ERC2: variants seen among roughly 807,000 people sequenced by gnomAD.
ERC2 encodes the protein ELKS/RAB6-interacting/CAST family member 2, also known as ERC protein 2.
ERC2 carries 42 observed loss-of-function variants against 114.8 expected under a neutral mutation model. The observed-to-expected ratio is 0.37, with a 90% CI of 0.29 to 0.47. The LOEUF is 0.47. Ranked by LOEUF, ERC2 falls within the 20% of genes least tolerant of loss-of-function variation. The pLI, the probability that ERC2 is intolerant of heterozygous loss-of-function variation, is 0.99. For synonymous variants in ERC2, 454 were observed against 425.5 expected, an observed-to-expected ratio of 1.07 and a Z score of -0.82; for missense variants, 939 against 1,150.7, an observed-to-expected ratio of 0.82 and a Z score of 2.66.
chr3:55,648,982 G>C (rs943574682), intron 17 of ERC2, among the ~76,000 whole-genome samples: 5 of 152,076 alleles, frequency 3.3e-5, no homozygotes, highest in Non-Finnish European at 7.4e-5. Flanking sequence ...AACAAGGCCG[G>C]GCAGGGACAT....
intron 14 of ERC2, among the ~76,000 whole-genome samples, chr3:55,744,082 G>A (rs1448874529): frequency 6.6e-6 from 1 of 152,180 alleles, no homozygotes; most frequent in Non-Finnish European, 1.5e-5. Context: ...CAGACTGATT[G>A]CCAGCCCAGT....
intron 14 of ERC2, among the ~76,000 whole-genome samples, chr3:55,796,903 A>G (rs1271891909): frequency 3.3e-5 from 5 of 152,238 alleles, no homozygotes; most frequent in Admixed American, 3.3e-4. Context: ...AAATAAAACA[A>G]CAACCAAAAG....
At chr3:56,007,592 T>C (rs1297207508) in intron 9 of ERC2, among the ~76,000 whole-genome samples, 3 of 152,122 alleles carry the variant, frequency 2.0e-5, no homozygotes, top group Non-Finnish European at 4.4e-5. Context: ...GTCATGCTAA[T>C]GATGTAAGTC....
At chr3:55,661,901 CA>C (rs1395355715) in intron 17 of ERC2, among the ~76,000 whole-genome samples, 3 of 151,936 alleles carry the variant, frequency 2.0e-5, no homozygotes, top group African/African-American at 7.3e-5. Flanking sequence ...CTTTTCAATC[CA>C]TTTATCAGGG....
intron 2 of ERC2, among the ~76,000 whole-genome samples, chr3:56,418,244 G>A (rs556410922): frequency 2.5e-4 from 37 of 149,288 alleles, no homozygotes; most frequent in Admixed American, 1.5e-3. Flanking sequence ...GATGCAGTAA[G>A]CTATGATTGC....
intron 4 of ERC2, among the ~76,000 whole-genome samples, chr3:56,151,414 T>C (rs2081405521): frequency 3.3e-5 from 5 of 152,106 alleles, no homozygotes; most frequent in Admixed American, 3.3e-4. Context: ...GCAAAAGAGC[T>C]CATATCTCAC....
chr3:55,798,425 C>T (rs900286503), intron 14 of ERC2, among the ~76,000 whole-genome samples: 7 of 151,830 alleles, frequency 4.6e-5, no homozygotes, highest in Non-Finnish European at 7.4e-5. Flanking sequence ...GGTGAAACCC[C>T]GTCTCTACTA....
intron 2 of ERC2, among the ~76,000 whole-genome samples, chr3:56,327,773 C>G (rs2057431830): frequency 6.6e-6 from 1 of 152,132 alleles, no homozygotes; most frequent in Non-Finnish European, 1.5e-5. Context: ...TCAGAGAAAC[C>G]CTAACCAGCA....
chr3:56,330,721 G>A (rs1426369487), intron 2 of ERC2, among the ~76,000 whole-genome samples: 2 of 152,036 alleles, frequency 1.3e-5, no homozygotes, highest in African/African-American at 4.8e-5. Flanking sequence ...TTCGAATTTG[G>A]GATAATGCAA....
At chr3:55,595,238 A>C (rs1171164275) in intron 17 of ERC2, among the ~76,000 whole-genome samples, 2 of 152,230 alleles carry the variant, frequency 1.3e-5, no homozygotes, top group African/African-American at 4.8e-5. Flanking sequence ...ATCTGTTTAA[A>C]TGTCAACCAA....
intron 3 of ERC2, among the ~76,000 whole-genome samples, chr3:56,180,331 T>C (rs747084969): frequency 1.2e-4 from 18 of 152,174 alleles, no homozygotes; most frequent in Non-Finnish European, 2.4e-4. Flanking sequence ...TAACCAATCA[T>C]TCATCTTGTC....
At chr3:56,264,922 G>A (rs1375835248) in intron 3 of ERC2, among the ~76,000 whole-genome samples, 1 of 151,208 alleles carries the variant, frequency 6.6e-6, no homozygotes, top group Non-Finnish European at 1.5e-5. Context: ...TCTGTACACT[G>A]AAACTATAAC....
At chr3:55,661,534 C>T (rs952357376) in intron 17 of ERC2, among the ~76,000 whole-genome samples, 1 of 152,186 alleles carries the variant, frequency 6.6e-6, no homozygotes, top group Non-Finnish European at 1.5e-5. Flanking sequence ...GACTCTTAGA[C>T]TTTCTTTCTC....
At chr3:55,996,468 G>A (rs1283894794) in intron 10 of ERC2, among the ~76,000 whole-genome samples, 1 of 152,058 alleles carries the variant, frequency 6.6e-6, no homozygotes, top group Non-Finnish European at 1.5e-5. Flanking sequence ...GCAAATCCAG[G>A]TATCCGATTC....
At chr3:56,182,302 C>G (rs972801548) in intron 3 of ERC2, among the ~76,000 whole-genome samples, 3 of 152,154 alleles carry the variant, frequency 2.0e-5, no homozygotes, top group African/African-American at 7.2e-5. Flanking sequence ...AACAGTGACT[C>G]TATGCCCATT....
At chr3:56,015,492 G>A (rs2073244454) in intron 8 of ERC2, among the ~76,000 whole-genome samples, 1 of 151,962 alleles carries the variant, frequency 6.6e-6, no homozygotes, top group African/African-American at 2.4e-5. Flanking sequence ...TTAGTTTGCT[G>A]AGGTTAATGG....
chr3:56,081,660 G>C (rs571966411), intron 6 of ERC2, among the ~76,000 whole-genome samples: 1 of 151,444 alleles, frequency 6.6e-6, no homozygotes. Flanking sequence ...TTCAAATGTT[G>C]TTAATAAAAA....
intron 2 of ERC2, among the ~76,000 whole-genome samples, chr3:56,318,196 CCTT>C (rs528168569): frequency 1.0e-3 from 153 of 152,238 alleles, no homozygotes; most frequent in Admixed American, 9.0e-3. Flanking sequence ...CTGTCTCTCT[CCTT>C]CTTTTGAGAC....
intron 13 of ERC2, among the ~76,000 whole-genome samples, chr3:55,899,110 A>G (rs996972389): frequency 6.6e-6 from 1 of 152,228 alleles, no homozygotes; most frequent in African/African-American, 2.4e-5. Flanking sequence ...AGAAAGAACA[A>G]TATGAGAACA....
Sources: gnomAD v4.1 joint callset for allele counts (sites outside exome capture counted in the v4.1 genomes callset) on GRCh38, gnomAD v4.1.1 for gene constraint, MANE v1.5 for transcripts, NCBI Gene and HGNC (gene_info 2026-07-23, HGNC 2026-07-21) for gene names.